The following NGEF variants were observed in gnomAD, a reference collection of about 807,000 sequenced individuals.
The protein encoded by NGEF is neuronal guanine nucleotide exchange factor, also known as ephexin-1.
In NGEF, 31 loss-of-function variants were observed where a neutral mutation model predicts 80.9. The ratio of observed to expected loss-of-function variants is 0.38; its 90% confidence interval spans 0.29 to 0.52. The LOEUF (loss-of-function observed/expected upper bound fraction) is 0.52, where lower values mean the gene tolerates loss of function less well. Among genes scored for constraint, NGEF ranks in the 20% least tolerant of loss-of-function variants. The pLI is 0.84. For missense variants in NGEF, 709 were observed against 926.2 expected, an observed-to-expected ratio of 0.77 and a Z score of 3.04; for synonymous variants, 371 against 370.2, an observed-to-expected ratio of 1.00 and a Z score of -0.03.
At chr2:232,905,585 C>T (rs1692485729) in intron 5 of NGEF, 1 of 276,224 alleles carries the variant, frequency 3.6e-6, no homozygotes, top group Non-Finnish European at 7.5e-6. Context: ...GTGAGGAGCC[C>T]CTCTGCCTGG....
At position 232,955,644 on chromosome 2, in the gene NGEF, G is replaced by A. The variant is rs183982141; in HGVS notation, c.383+14570C>T. 1.8e-4 allele frequency among the ~76,000 whole-genome samples: 27 copies of A among 152,254 alleles called. No individual in the cohort carries two copies. In the South Asian group the frequency reaches 1.9e-3, roughly 11 times the overall value. ...AGCAATTCTTGTGCCTCAGCCTCCC[G>A]AGTAGCTGGGATTACAGGCATGTGC... On this transcript the variant is annotated intron_variant, in intron 3 of 14. Transcript: ENST00000264051.
intron 5 of NGEF, among the ~76,000 whole-genome samples, chr2:232,916,137 G>C (rs1267529231): frequency 1.3e-5 from 2 of 152,220 alleles, no homozygotes; most frequent in Non-Finnish European, 2.9e-5. Flanking sequence ...TGAAAGATTT[G>C]CTATCAAAAT....
At chr2:232,906,600 A>G (rs1428399207) in intron 5 of NGEF, among the ~76,000 whole-genome samples, 1 of 51,838 alleles carries the variant, frequency 1.9e-5, no homozygotes, top group African/African-American at 6.4e-5. Flanking sequence ...CCTACTGGGA[A>G]GTGAGGAGCC....
intron 5 of NGEF, among the ~76,000 whole-genome samples, chr2:232,898,522 T>G (rs961148620): frequency 1.3e-5 from 2 of 152,236 alleles, no homozygotes; most frequent in Non-Finnish European, 2.9e-5. Context: ...TCCAGGATGT[T>G]TGTCTTCATT....
chr2:232,949,838 T>A (rs1365695289), intron 3 of NGEF, among the ~76,000 whole-genome samples: 2 of 150,270 alleles, frequency 1.3e-5, no homozygotes, highest in East Asian at 3.9e-4. Flanking sequence ...TTAGATGAAG[T>A]CTCACTCTTG....
At chr2:232,998,741 G>A (rs530018607) in intron 1 of NGEF, among the ~76,000 whole-genome samples, 20 of 152,256 alleles carry the variant, frequency 1.3e-4, no homozygotes, top group African/African-American at 3.4e-4. Flanking sequence ...TAGGTGCCAG[G>A]CCAGTCGTCT....
chr2:232,900,566 ACT>A (rs150047111), intron 5 of NGEF, among the ~76,000 whole-genome samples: 6 of 97,190 alleles, frequency 6.2e-5, no homozygotes, highest in African/African-American at 8.2e-5. Context: ...ACTCACATTC[ACT>A]CACACACACG....
At chr2:233,009,345 A>C (rs929507102) in intron 1 of NGEF, among the ~76,000 whole-genome samples, 2 of 152,114 alleles carry the variant, frequency 1.3e-5, no homozygotes, top group Admixed American at 6.5e-5. Flanking sequence ...GTTGCTGCCC[A>C]AAACTCCTTT....
At chr2:232,927,862 C>T in intron 3 of NGEF, 1 of 1,247,112 alleles carries the variant, frequency 8.0e-7, no homozygotes, top group Non-Finnish European at 1.0e-6. Flanking sequence ...GGGGGCGGCG[C>T]GCCGGGGCCG....
chr2:232,891,247 A>G, intron 8 of NGEF, 111 bp downstream of exon 8: 1 of 1,377,448 alleles, frequency 7.3e-7, no homozygotes, highest in East Asian at 2.3e-5. Flanking sequence ...ACATGGGAGG[A>G]GCTTAGTATC....
intron 3 of NGEF, among the ~76,000 whole-genome samples, chr2:232,932,469 A>G (rs184517467): frequency 3.3e-5 from 5 of 152,000 alleles, no homozygotes; most frequent in Admixed American, 6.6e-5. Context: ...CTGGCCCAGA[A>G]TCCCCTTTCA....
intron 3 of NGEF, among the ~76,000 whole-genome samples, chr2:232,930,548 C>CG (rs61662728): frequency 0.84 from 127,493 of 151,576 alleles, 53,963 homozygotes; most frequent in African/African-American, 0.93. Flanking sequence ...TTCACCATTT[C>CG]GCCAGGCTGG....
At chr2:232,890,962 G>A (rs1003480970) in intron 8 of NGEF, 11 of 473,272 alleles carry the variant, frequency 2.3e-5, no homozygotes, top group Non-Finnish European at 4.4e-5. Context: ...TTGCACAAGC[G>A]GTTCCCTCTG....
At chr2:232,971,483 G>A (rs1178459596) in intron 2 of NGEF, among the ~76,000 whole-genome samples, 4 of 152,098 alleles carry the variant, frequency 2.6e-5, no homozygotes, top group South Asian at 4.1e-4. Flanking sequence ...TCAGGAGTTC[G>A]AAACCAGCCT....
intron 2 of NGEF, among the ~76,000 whole-genome samples, chr2:232,972,744 CTTTTTTTTTTTTT>C (rs61594239): frequency 3.2e-5 from 4 of 123,322 alleles, no homozygotes; most frequent in Non-Finnish European, 6.7e-5. Flanking sequence ...TGTCCTTATC[CTTTTTTTTTTTTT>C]TTTTTTTTTT....
intron 4 of NGEF, among the ~76,000 whole-genome samples, chr2:232,926,221 T>G (rs1453770517): frequency 1.3e-5 from 2 of 152,304 alleles, no homozygotes; most frequent in East Asian, 3.9e-4. Context: ...TCGGCTGCTC[T>G]GACAACAATG....
At position 232,905,836 on chromosome 2, in the gene NGEF, C is replaced by G. The variant is rs780872456; in HGVS notation, c.829-10920G>C. 189 of 283,456 alleles carry G rather than the reference C, an allele frequency of 6.7e-4. 7 individuals are homozygous for G. The highest frequency in any genetic ancestry group is 6.0e-3 in the Middle Eastern group (5 of 840). The allele number at this position is 283,456 out of a possible 1,614,324, so 17.6% of individuals were successfully genotyped here. The stretch of plus-strand genomic sequence containing the variant: ...AGGAGCCCCTCCGCCCGGCTGCCAC[C>G]CCGTCTGGGAAGTGAGGAGCGTCTC... On this transcript the variant is annotated intron_variant, in intron 5 of 14. Transcript: ENST00000264051.
At chr2:232,984,323 C>A (rs912307500) in intron 1 of NGEF, among the ~76,000 whole-genome samples, 22 of 151,936 alleles carry the variant, frequency 1.4e-4, no homozygotes, top group African/African-American at 5.1e-4. Context: ...AACTCCTGGC[C>A]TTAAGCAATC....
At chr2:232,918,628 GTTTTTTT>G (rs752153408) in intron 5 of NGEF, among the ~76,000 whole-genome samples, 2 of 108,050 alleles carry the variant, frequency 1.9e-5, no homozygotes, top group Non-Finnish European at 4.0e-5. Context: ...TTATTTCTAA[GTTTTTTT>G]TTTTTTTTTT....
Sources: gnomAD v4.1 joint callset for allele counts (sites outside exome capture counted in the v4.1 genomes callset) on GRCh38, gnomAD v4.1.1 for gene constraint, MANE v1.5 for transcripts, NCBI Gene and HGNC (gene_info 2026-07-23, HGNC 2026-07-21) for gene names.